The following RGS6 variants were observed in gnomAD, a reference collection of about 807,000 sequenced individuals.
The protein encoded by RGS6 is regulator of G protein signaling 6, also known as regulator of G-protein signaling 6.
Under a neutral mutation model 78.5 loss-of-function variants are expected in RGS6, and 30 were observed. The ratio of observed to expected loss-of-function variants is 0.38; its 90% CI spans 0.29 to 0.52. The LOEUF is 0.52. RGS6 is among the 20% of genes least tolerant of loss of function. The pLI, the probability that RGS6 is intolerant of heterozygous loss-of-function variation, is 0.85. For missense variants in RGS6, 495 were observed against 609.7 expected (o/e 0.81, Z 1.98); for synonymous variants, 206 against 206.0 (o/e 1.00, Z 0.00).
At chr14:72,007,280 G>A (rs895630661) in intron 2 of RGS6, among the ~76,000 whole-genome samples, 5 of 152,070 alleles carry the variant, frequency 3.3e-5, no homozygotes, top group Admixed American at 1.3e-4. Flanking sequence ...CACATGGTAC[G>A]TGATGCTAAA....
intron 13 of RGS6, among the ~76,000 whole-genome samples, chr14:72,508,774 G>A (rs936822239): frequency 6.6e-6 from 1 of 151,868 alleles, no homozygotes; most frequent in African/African-American, 2.4e-5. Flanking sequence ...AATCACCTAG[G>A]GTTCTTGTTG....
chr14:72,400,605 C>T (rs1346221079), intron 3 of RGS6, among the ~76,000 whole-genome samples: 1 of 152,208 alleles, frequency 6.6e-6, no homozygotes, highest in African/African-American at 2.4e-5. Context: ...ACTATTTTGA[C>T]ATTGCGCTGA....
rs200274611 is a variant in RGS6 at position 72,459,597 on chromosome 14, C to T, written c.343-35C>T. 902 of 1,611,440 alleles carry T rather than the reference C, an allele frequency of 5.6e-4. 4 individuals are homozygous for T. The African/African-American group carries it at 0.01, about 18-fold the overall frequency. On this transcript the variant is annotated intron_variant, in intron 5 of 17. Coordinates refer to ENST00000553525, the MANE Select transcript of RGS6 (RefSeq NM_001204424.2). The stretch of plus-strand genomic sequence containing the variant: ...GTGGGAGGGAAGCGCAGGCATGGCG[C>T]GCCCCTGAGCACTAACACCCATGCT...
chr14:72,534,144 A>G (rs1319816095), intron 15 of RGS6, among the ~76,000 whole-genome samples: 1 of 152,122 alleles, frequency 6.6e-6, no homozygotes, highest in Non-Finnish European at 1.5e-5. Flanking sequence ...GGCAATCACC[A>G]CCCTAATCAG....
At position 72,412,239 on chromosome 14, in the gene RGS6, T is replaced by C. The variant is rs536159423; in HGVS notation, c.185-42289T>C. Among the ~76,000 whole-genome samples the C allele has an allele frequency of 1.0e-3, 159 of 152,338 alleles. 2 individuals carry two copies. The highest frequency in any genetic ancestry group is 3.6e-3 in the African/African-American group (148 of 41,568). On this transcript the variant is annotated intron_variant, in intron 3 of 17. Coordinates refer to ENST00000553525, the MANE Select transcript of RGS6 (RefSeq NM_001204424.2). ...GTAAGCTATTAATTATTGCCTCAAT[T>C]TGAGAGCCTGTTATTGGTCTATTCA...
chr14:72,019,661 T>A (rs1286442304), intron 2 of RGS6, among the ~76,000 whole-genome samples: 1 of 152,198 alleles, frequency 6.6e-6, no homozygotes, highest in Non-Finnish European at 1.5e-5. Context: ...TATAGGGATG[T>A]GGATTTTTAT....
chr14:72,057,694 T>A (rs940936749), intron 2 of RGS6, among the ~76,000 whole-genome samples: 3 of 152,210 alleles, frequency 2.0e-5, no homozygotes, highest in Non-Finnish European at 4.4e-5. Context: ...TGAATTTTTC[T>A]TAAATAACTT....
intron 2 of RGS6, among the ~76,000 whole-genome samples, chr14:72,095,251 G>C (rs539468671): frequency 5.8e-4 from 89 of 152,156 alleles, no homozygotes; most frequent in Non-Finnish European, 1.0e-3. Flanking sequence ...TTGGCTGCAG[G>C]TAATAGAAAA....
rs141579338 is a variant in RGS6, at chr14:72,304,384, C to T, written c.85-47711C>T. ...AATCCTTTGCTTTTCCTAATAAGTG[C>T]ACAGAACTCTATAGTATGAATAGGA... On this transcript the variant is annotated intron_variant, in intron 2 of 17. Transcript: ENST00000553525. Among the ~76,000 whole-genome samples the T allele has an allele frequency of 1.8e-3, 270 of 152,334 alleles. 1 individual carries two copies. The highest frequency in any genetic ancestry group is 6.2e-3 in the African/African-American group (256 of 41,576).
chr14:72,531,050 A>G (rs1019960595), intron 15 of RGS6, among the ~76,000 whole-genome samples: 2 of 152,190 alleles, frequency 1.3e-5, no homozygotes, highest in African/African-American at 2.4e-5. Context: ...TTTGTCTGAA[A>G]TTTTCAGAAA....
At chr14:72,388,656 C>T (rs2089025937) in intron 3 of RGS6, among the ~76,000 whole-genome samples, 1 of 152,134 alleles carries the variant, frequency 6.6e-6, no homozygotes, top group South Asian at 2.1e-4. Flanking sequence ...TACCTGGCCA[C>T]TCACATGTGT....
At chr14:72,217,000 G>A (rs2153782930) in intron 2 of RGS6, among the ~76,000 whole-genome samples, 1 of 152,270 alleles carries the variant, frequency 6.6e-6, no homozygotes, top group Non-Finnish European at 1.5e-5. Flanking sequence ...CACATTCGGA[G>A]GTGTGTGTTT....
At chr14:71,876,473 CTTTTTTTTTTTTTTTTTTTTTTTT>C in the RGS6 span, among the ~76,000 whole-genome samples, 6 of 72,494 alleles carry the variant, frequency 8.3e-5, no homozygotes, top group Non-Finnish European at 1.2e-4. Context: ...GCAACCGCTG[CTTTTTTTTTTTTTTTTTTTTTTTT>C]TTTTTTTTTT....
intron 2 of RGS6, among the ~76,000 whole-genome samples, chr14:72,084,170 G>C (rs1312909321): frequency 6.6e-6 from 1 of 152,188 alleles, no homozygotes; most frequent in Non-Finnish European, 1.5e-5. Flanking sequence ...GGATGAAACT[G>C]TTCCCCTCGG....
chr14:72,203,326 G>A (rs899636251), intron 2 of RGS6, among the ~76,000 whole-genome samples: 2 of 152,220 alleles, frequency 1.3e-5, no homozygotes, highest in Non-Finnish European at 2.9e-5. Flanking sequence ...CTGGAGACAA[G>A]CAAAATTGAG....
intron 2 of RGS6, among the ~76,000 whole-genome samples, chr14:72,077,402 G>A (rs909665870): frequency 7.9e-5 from 12 of 151,694 alleles, no homozygotes; most frequent in African/African-American, 2.9e-4. Flanking sequence ...CCTTTGTTTA[G>A]TTTTTTTTCG....
At chr14:72,615,628 C>G in the RGS6 span, among the ~76,000 whole-genome samples, 4 of 152,212 alleles carry the variant, frequency 2.6e-5, no homozygotes, top group East Asian at 7.7e-4. Flanking sequence ...ACAGGCTCTT[C>G]CCTGGTTCCA....
chr14:72,214,622 A>G (rs1223259846), intron 2 of RGS6, among the ~76,000 whole-genome samples: 2 of 152,192 alleles, frequency 1.3e-5, no homozygotes, highest in Admixed American at 6.5e-5. Flanking sequence ...AATTATATGT[A>G]TAATATGTGG....
the RGS6 span, among the ~76,000 whole-genome samples, chr14:71,893,242 T>C: frequency 6.6e-6 from 1 of 152,206 alleles, no homozygotes. Flanking sequence ...CATTAGAGGG[T>C]TTGATCAAGA....
Sources: allele counts gnomAD v4.1 joint callset (sites outside exome capture counted in the v4.1 genomes callset), GRCh38; gene constraint gnomAD v4.1.1; transcripts MANE v1.5; gene names NCBI Gene and HGNC (gene_info 2026-07-23, HGNC 2026-07-21).